The following PPIP5K2 variants were observed in gnomAD, a reference collection of about 807,000 sequenced individuals.
The protein encoded by PPIP5K2 is diphosphoinositol pentakisphosphate kinase 2.
In PPIP5K2, 105 loss-of-function variants were observed where a neutral mutation model predicts 154.6. The ratio of observed to expected loss-of-function variants is 0.68; its 90% CI spans 0.58 to 0.80. The LOEUF (loss-of-function observed/expected upper bound fraction) is 0.80. Among genes scored for constraint, PPIP5K2 ranks in the 30% least tolerant of loss-of-function variants. PPIP5K2 has a pLI of 0.00. For synonymous variants in PPIP5K2, 480 were observed against 490.3 expected, an observed-to-expected ratio of 0.98 and a Z score of 0.28; for missense variants, 992 against 1,504.6, an observed-to-expected ratio of 0.66 and a Z score of 5.64.
rs26261 is a variant in PPIP5K2 at position 103,209,992 on chromosome 5, A to G, written c.*8358A>G. The G allele has an allele frequency of 0.32, 48,702 of 151,926 alleles. 8,080 individuals are homozygous for G. The highest frequency in any genetic ancestry group is 0.45 in the East Asian group (2,315 of 5,158). 9.4% of individuals were successfully genotyped at this position (151,926 alleles called of 1,614,324 possible). ...ATAAAATGAGACCTGGGAGTCCCAA[A>G]TGTTATTAACTACCACAATTTTATA... On this transcript the variant is annotated 3_prime_UTR_variant, in exon 31 of 31. Coordinates refer to ENST00000358359, the MANE Select transcript of PPIP5K2 (RefSeq NM_001276277.3).
intron 24 of PPIP5K2, 129 bp downstream of exon 24, chr5:103,180,317 A>G: frequency 1.5e-6 from 1 of 674,984 alleles, no homozygotes; most frequent in Non-Finnish European, 2.1e-6. Flanking sequence ...TATTTAATCT[A>G]TTTTTAAATA....
Position 103,167,265 on chromosome 5 carries a change from A to G in PPIP5K2, c.2007A>G (p.Leu669=), listed in dbSNP as rs1370839672. The change falls in exon 18 of 31, where the codon TTA becomes TTG. Residue 669 remains leucine, a synonymous_variant. Transcript: ENST00000358359. Reference sequence around the variant, plus strand: ...AGACCTGTGATAAAGTTTATTCCTTAATTCAGAGTTTGACTTCTCAAATCA... The same window carrying G: ...AGACCTGTGATAAAGTTTATTCCTTGATTCAGAGTTTGACTTCTCAAATCA... ...PVKTCDKVYS[L]IQSLTSQIRH... The G allele has an allele frequency of 3.1e-6, 5 of 1,594,078 alleles. No homozygotes were observed. The highest frequency in any genetic ancestry group is 1.1e-5 in the South Asian group (1 of 87,350).
chr5:103,158,140 TA>T (rs781908727), intron 14 of PPIP5K2, 47 bp from the exon 15 acceptor site: 3 of 1,581,652 alleles, frequency 1.9e-6, no homozygotes, highest in South Asian at 1.1e-5. Flanking sequence ...TAAGTCTGTT[TA>T]AAGAAATAAA....
chr5:103,172,790 A>G (rs1016072082), intron 19 of PPIP5K2, among the ~76,000 whole-genome samples: 1 of 151,784 alleles, frequency 6.6e-6, no homozygotes, highest in African/African-American at 2.4e-5. Flanking sequence ...AATTTTTTTC[A>G]TATATTTATT....
At chr5:103,134,498 G>C (rs1278273600) in intron 3 of PPIP5K2, among the ~76,000 whole-genome samples, 4 of 152,154 alleles carry the variant, frequency 2.6e-5, no homozygotes, top group African/African-American at 9.7e-5. Flanking sequence ...GCATGGTTTT[G>C]CTACCATAGC....
intron 28 of PPIP5K2, among the ~76,000 whole-genome samples, 185 bp from the exon 29 acceptor site, chr5:103,190,657 A>G (rs1275370594): frequency 6.6e-6 from 1 of 151,964 alleles, no homozygotes; most frequent in East Asian, 1.9e-4. Context: ...AATCTTTGTC[A>G]CATCTTGTTC....
intron 24 of PPIP5K2, among the ~76,000 whole-genome samples, chr5:103,181,315 C>A (rs577262893): frequency 6.6e-6 from 1 of 151,984 alleles, no homozygotes; most frequent in South Asian, 2.1e-4. Flanking sequence ...TGCCTGTAAA[C>A]CTGGCACTTT....
At chr5:103,166,132 A>C (rs1258330651) in intron 17 of PPIP5K2, among the ~76,000 whole-genome samples, 1 of 152,146 alleles carries the variant, frequency 6.6e-6, no homozygotes, top group Non-Finnish European at 1.5e-5. Flanking sequence ...GTCCAGTCAA[A>C]GCAGAAGCAG....
intron 9 of PPIP5K2, 107 bp from the exon 10 acceptor site, chr5:103,152,541 G>A: frequency 3.2e-6 from 2 of 634,004 alleles, no homozygotes; most frequent in Non-Finnish European, 2.7e-6. Context: ...TTTATGTGAT[G>A]TAATCACTAG....
intron 14 of PPIP5K2, among the ~76,000 whole-genome samples, chr5:103,156,769 C>T (rs1554213626): frequency 2.6e-5 from 4 of 152,198 alleles, no homozygotes; most frequent in East Asian, 1.9e-4. Context: ...TATGCTTTGA[C>T]CTGAATTCTG....
chr5:103,136,466 G>T (rs567101868), intron 3 of PPIP5K2, among the ~76,000 whole-genome samples: 48 of 152,292 alleles, frequency 3.2e-4, no homozygotes, highest in African/African-American at 1.1e-3. Context: ...TCAGGTGACT[G>T]ACTAGTCAGA....
intron 1 of PPIP5K2, among the ~76,000 whole-genome samples, chr5:103,124,981 C>T (rs1267180458): frequency 6.6e-6 from 1 of 152,082 alleles, no homozygotes; most frequent in African/African-American, 2.4e-5. Context: ...AAGGTCAAAA[C>T]GAATGATTCG....
At chr5:103,183,521 T>G in intron 25 of PPIP5K2, 114 bp downstream of exon 25, 1 of 925,278 alleles carries the variant, frequency 1.1e-6, no homozygotes, top group Middle Eastern at 2.2e-4. Flanking sequence ...ATCCTTCTGT[T>G]TTTTAATTTT....
intron 29 of PPIP5K2, among the ~76,000 whole-genome samples, chr5:103,191,810 G>A (rs1226679396): frequency 6.6e-6 from 1 of 152,006 alleles, no homozygotes; most frequent in Non-Finnish European, 1.5e-5. Flanking sequence ...TTTAGAAAGA[G>A]TTAGTTTTGG....
chr5:103,129,715 G>T lies in PPIP5K2; in HGVS notation c.114+12G>T. ...AGGAAGATGATTCTGTAAGTTGTTT[G>T]TTTTTCCTTTGGCGAGAGAAGACCA... On this transcript the variant is annotated intron_variant, in intron 2 of 30. Transcript: ENST00000358359. 2 of 1,590,676 alleles carry T rather than the reference G, an allele frequency of 1.3e-6. No individual in the cohort carries two copies.
chr5:103,178,068 A>G lies in PPIP5K2; in HGVS notation c.2754+88A>G, dbSNP rs2149727570. ...TAAGAGATTTTTATAATGTACTATA[A>G]ATAATTCTTATTTTAACTTCTAAGC... On this transcript the variant is annotated intron_variant, in intron 23 of 30. Coordinates refer to ENST00000358359, the MANE Select transcript of PPIP5K2 (RefSeq NM_001276277.3). The G allele has an allele frequency of 3.6e-6, 3 of 830,932 alleles. No individual in the cohort carries two copies. The East Asian group carries it at 7.8e-5, about 22-fold the overall frequency. The allele number at this position is 830,932 out of a possible 1,614,324, so 51.5% of individuals were successfully genotyped here.
At chr5:103,173,640 T>C (rs1798282135) in intron 20 of PPIP5K2, among the ~76,000 whole-genome samples, 1 of 152,034 alleles carries the variant, frequency 6.6e-6, no homozygotes, top group Non-Finnish European at 1.5e-5. Flanking sequence ...ATTAAGTCTA[T>C]TCTTTGACTA....
intron 23 of PPIP5K2, 92 bp downstream of exon 23, chr5:103,178,072 A>T (rs576584627): frequency 2.4e-4 from 195 of 828,280 alleles, no homozygotes; most frequent in Non-Finnish European, 3.6e-4. Flanking sequence ...ACTATAAATA[A>T]TTCTTATTTT....
At chr5:103,151,481 A>G (rs994077650) in intron 9 of PPIP5K2, 107 bp downstream of exon 9, 8 of 907,882 alleles carry the variant, frequency 8.8e-6, no homozygotes, top group Non-Finnish European at 1.3e-5. Context: ...TAGAGTAAAG[A>G]TCAGTGTTCA....
Sources: allele counts gnomAD v4.1 joint callset (sites outside exome capture counted in the v4.1 genomes callset), GRCh38; gene constraint gnomAD v4.1.1; transcripts MANE v1.5; gene names NCBI Gene and HGNC (gene_info 2026-07-23, HGNC 2026-07-21).